Variants in PAK5 observed in about 807,000 individuals in gnomAD.
PAK5 encodes serine/threonine-protein kinase PAK 5.
In PAK5, 16 loss-of-function variants were observed where a neutral mutation model predicts 65.9. The observed-to-expected ratio is 0.24, with a 90% confidence interval of 0.16 to 0.37. The LOEUF (loss-of-function observed/expected upper bound fraction) is 0.37, where lower values mean the gene tolerates loss of function less well. Ranked by LOEUF, PAK5 falls within the 10% of genes least tolerant of loss-of-function variation. PAK5 has a pLI of 1.00. For synonymous variants in PAK5, 371 were observed against 354.9 expected, an observed-to-expected ratio of 1.05 and a Z score of -0.51; for missense variants, 785 against 903.9, an observed-to-expected ratio of 0.87 and a Z score of 1.69.
At chr20:9,554,981 A>G (rs986785316) in intron 7 of PAK5, among the ~76,000 whole-genome samples, 3 of 152,164 alleles carry the variant, frequency 2.0e-5, no homozygotes, top group Non-Finnish European at 4.4e-5. Flanking sequence ...CATCACTTCC[A>G]TCACTCCCCA....
rs202149304 is a variant in PAK5 at position 9,802,914 on chromosome 20, A to G, written c.-162+35848T>C. ...TGTACTATTGTATATGTATGTGTAT[A>G]TATATATATATATATATATGAATTA... is the stretch of plus-strand genomic sequence containing the variant. On this transcript the variant is annotated intron_variant, in intron 1 of 9. Coordinates refer to ENST00000353224, the MANE Select transcript of PAK5 (RefSeq NM_177990.4). Among the ~76,000 whole-genome samples, 195 of 58,836 alleles carry G rather than the reference A, an allele frequency of 3.3e-3. 3 individuals carry two copies. Among genetic ancestry groups the G allele is most frequent in the African/African-American group, 0.01 (149 of 14,670 alleles). The allele number at this position is 58,836 out of a possible 152,430, so 38.6% of individuals were successfully genotyped here. A position where few individuals can be genotyped will look rare whatever the true frequency, so the allele number is the denominator to read the frequency against.
chr20:9,589,932 TC>T (rs1264523747), intron 3 of PAK5, among the ~76,000 whole-genome samples: 1 of 152,198 alleles, frequency 6.6e-6, no homozygotes, highest in Non-Finnish European at 1.5e-5. Context: ...TCTGTCTCTT[TC>T]TATTCTAAGA....
chr20:9,823,377 G>A (rs906344016), intron 1 of PAK5, among the ~76,000 whole-genome samples: 1 of 152,156 alleles, frequency 6.6e-6, no homozygotes, highest in African/African-American at 2.4e-5. Context: ...ATATGGTTTG[G>A]CTGTGTCCCC....
At chr20:9,709,991 T>C (rs1234937227) in intron 2 of PAK5, among the ~76,000 whole-genome samples, 1 of 152,218 alleles carries the variant, frequency 6.6e-6, no homozygotes, top group Non-Finnish European at 1.5e-5. Flanking sequence ...CTTGAATCCA[T>C]ATATTCTCAT....
intron 2 of PAK5, among the ~76,000 whole-genome samples, chr20:9,692,657 C>T (rs1432237247): frequency 6.6e-6 from 1 of 152,040 alleles, no homozygotes; most frequent in African/African-American, 2.4e-5. Context: ...ATTCATGATG[C>T]CTTTTCAAAT....
chr20:9,609,004 C>T (rs919808303), intron 3 of PAK5, among the ~76,000 whole-genome samples: 2 of 152,238 alleles, frequency 1.3e-5, no homozygotes, highest in African/African-American at 4.8e-5. Context: ...AGTGATGCCT[C>T]TTCACCAAGT....
chr20:9,694,173 C>G (rs6039551), intron 2 of PAK5, among the ~76,000 whole-genome samples: 79,722 of 151,820 alleles, frequency 0.53, 23,804 homozygotes, highest in African/African-American at 0.83. Flanking sequence ...GGACTGATAG[C>G]TGCAAAAAAT....
intron 1 of PAK5, among the ~76,000 whole-genome samples, chr20:9,764,267 G>A (rs1008624692): frequency 7.9e-5 from 12 of 152,108 alleles, no homozygotes; most frequent in African/African-American, 2.7e-4. Context: ...ATTTGCCTGA[G>A]TTTTTTCTTA....
At chr20:9,730,442 G>A (rs970332498) in intron 1 of PAK5, among the ~76,000 whole-genome samples, 3 of 152,142 alleles carry the variant, frequency 2.0e-5, no homozygotes, top group African/African-American at 7.2e-5. Context: ...GGAACCTTCT[G>A]CTTTTAAACA....
Position 9,566,289 on chromosome 20 carries a change from G to A in PAK5, c.1086C>T (p.Ser362=), listed in dbSNP as rs531789007. ...GACTGCTTGAGGAATAGCCCGATTT[G>A]CTTTGACTTTGAGGTAGTTTGGCAG... ...RGPAKLPQSQ[S]KSGYSSSSHQ... The change falls in exon 5 of 10, where the codon AGC becomes AGT. Residue 362 remains serine, a synonymous_variant. Coordinates refer to ENST00000353224, the MANE Select transcript of PAK5 (RefSeq NM_177990.4). 1.2e-6 allele frequency: 2 copies of A among 1,613,782 alleles called. No homozygotes were observed. The highest frequency in any genetic ancestry group is 1.7e-5 in the Admixed American group (1 of 60,022).
chr20:9,622,567 G>C (rs2046785197), intron 3 of PAK5, among the ~76,000 whole-genome samples: 1 of 152,238 alleles, frequency 6.6e-6, no homozygotes, highest in Admixed American at 6.5e-5. Context: ...CGGAGTGTCT[G>C]TTGACTGTTG....
intron 1 of PAK5, among the ~76,000 whole-genome samples, chr20:9,722,541 G>T (rs2048228584): frequency 6.6e-6 from 1 of 151,944 alleles, no homozygotes; most frequent in Non-Finnish European, 1.5e-5. Flanking sequence ...GAACCCGGGA[G>T]GCGGAGCTTG....
In PAK5 at chr20:9,606,842, T is replaced by C. The variant is rs141802626; in HGVS notation, c.205-25912A>G. ...AAATGTCAATTAAAACTTAAAAACA[T>C]AGGGGTGAGAGAGTATAGGCCTTGG... On this transcript the variant is annotated intron_variant, in intron 3 of 9. Transcript: ENST00000353224. Among the ~76,000 whole-genome samples, 16 of 152,060 alleles carry C rather than the reference T, an allele frequency of 1.1e-4. 1 individual carries two copies. The highest frequency in any genetic ancestry group is 7.2e-4 in the Admixed American group (11 of 15,268).
At chr20:9,554,059 A>G (rs2045470436) in intron 7 of PAK5, among the ~76,000 whole-genome samples, 1 of 152,184 alleles carries the variant, frequency 6.6e-6, no homozygotes, top group Admixed American at 6.5e-5. Flanking sequence ...TTTAATGTGC[A>G]TTTCTCAAAG....
chr20:9,774,000 C>A (rs1446322510), intron 1 of PAK5, among the ~76,000 whole-genome samples: 2 of 152,154 alleles, frequency 1.3e-5, no homozygotes, highest in African/African-American at 4.8e-5. Flanking sequence ...GGTTATATTT[C>A]AGAACAAGGG....
In PAK5 at chr20:9,748,941, T is replaced by C. The variant is rs150886378; in HGVS notation, c.-161-37506A>G. Among the ~76,000 whole-genome samples the C allele has an allele frequency of 9.3e-3, 1,416 of 152,216 alleles. 23 individuals carry two copies. The highest frequency in any genetic ancestry group is 0.032 in the African/African-American group (1,340 of 41,536). The stretch of plus-strand genomic sequence containing the variant: ...TAGAACATTTCCAGCACCTCAGAAG[T>C]TTCTCTCGTGCCCTGTTCCTGCCAG... On this transcript the variant is annotated intron_variant, in intron 1 of 9. Transcript: ENST00000353224.
intron 9 of PAK5, among the ~76,000 whole-genome samples, chr20:9,541,667 A>G (rs2122882985): frequency 6.6e-6 from 1 of 152,164 alleles, no homozygotes; most frequent in South Asian, 2.1e-4. Flanking sequence ...CCCTCCCTAG[A>G]AAGGGCTTCC....
Position 9,580,508 on chromosome 20 carries a change from T to C in PAK5, c.627A>G (p.Pro209=). 6.2e-7 allele frequency: 1 copy of C among 1,614,134 alleles called. No individual in the cohort carries two copies. Among genetic ancestry groups the C allele is most frequent in the East Asian group, 2.2e-5 (1 of 44,882 alleles). ...YHSHLDSLSK[P]SEYSDLKWEY... is the part of the protein sequence containing the mutation. ...CCCACTTGAGGTCACTGTATTCACT[T>C]GGTTTGCTCAGTGAGTCCAAATGTG... The change falls in exon 4 of 10, where the codon CCA becomes CCG. Residue 209 remains proline (P), a synonymous_variant. Coordinates refer to ENST00000353224, the MANE Select transcript of PAK5 (RefSeq NM_177990.4).
chr20:9,759,922 A>G (rs1489756569), intron 1 of PAK5, among the ~76,000 whole-genome samples: 2 of 152,206 alleles, frequency 1.3e-5, no homozygotes, highest in South Asian at 4.1e-4. Context: ...CCTGTCAGCC[A>G]TTTAGTCAAA....
Sources: allele counts gnomAD v4.1 joint callset (sites outside exome capture counted in the v4.1 genomes callset), GRCh38; gene constraint gnomAD v4.1.1; transcripts MANE v1.5; gene names NCBI Gene and HGNC (gene_info 2026-07-23, HGNC 2026-07-21).